The following STK26 variants were observed in gnomAD, a reference collection of about 807,000 sequenced individuals.
STK26 encodes serine/threonine kinase 26, also known as serine/threonine-protein kinase 26.
Under a neutral mutation model 34.7 loss-of-function variants are expected in STK26, and 14 were observed. That is an observed-to-expected ratio of 0.40 (90% CI 0.27 to 0.63). The LOEUF (loss-of-function observed/expected upper bound fraction) is 0.63, where lower values mean the gene tolerates loss of function less well. Among genes scored for constraint, STK26 ranks in the 30% least tolerant of loss-of-function variants. STK26 has a pLI of 0.38. For synonymous variants in STK26, 100 were observed against 109.8 expected (o/e 0.91, Z 0.56); for missense variants, 226 against 309.1 (o/e 0.73, Z 2.02).
At chrX:132,054,188 T>C (rs763129797) in intron 2 of STK26, among the ~76,000 whole-genome samples, 8 of 112,385 alleles carry the variant, frequency 7.1e-5, no homozygotes, top group African/African-American at 2.6e-4. Flanking sequence ...CTAAGATGAT[T>C]GGGATATCCG....
In STK26 at chrX:132,072,301, T is replaced by C; in HGVS notation, c.966T>C (p.Pro322=). Residue 322 remains proline (P), a synonymous_variant, in exon 9 of 12, where the codon CCT becomes CCC. Transcript: ENST00000394334. The part of the protein sequence containing the change: ...ESTSRENNTH[P]EWSFTTVRKK... ...CCAGCAGGGAAAACAATACTCATCCTGAATGGAGCTTTACCACCGTACGAA... is the reference window on the plus strand; with the variant it reads ...CCAGCAGGGAAAACAATACTCATCCCGAATGGAGCTTTACCACCGTACGAA... The C allele has an allele frequency of 8.3e-7, 1 of 1,209,676 alleles. No individual in the cohort carries two copies. The highest frequency in any genetic ancestry group is 1.1e-6 in the Non-Finnish European group (1 of 893,842).
chrX:132,068,187 T>A (rs757708329), intron 4 of STK26, 28 bp from the exon 5 acceptor site: 2 of 1,108,263 alleles, frequency 1.8e-6, no homozygotes, highest in African/African-American at 1.8e-5. Context: ...CACATATGTG[T>A]ATGTGTGTGT....
At chrX:132,040,425 A>T (rs1926221471) in intron 2 of STK26, among the ~76,000 whole-genome samples, 1 of 112,453 alleles carries the variant, frequency 8.9e-6, no homozygotes, top group African/African-American at 3.2e-5. Context: ...AAATAGGCAG[A>T]TATGTTTCTG....
intron 3 of STK26, among the ~76,000 whole-genome samples, chrX:132,063,174 A>G (rs917051438): frequency 1.8e-5 from 2 of 110,821 alleles, no homozygotes; most frequent in African/African-American, 3.3e-5. Context: ...CAAATACTAG[A>G]TCTTACTCAT....
At chrX:132,055,319 C>T (rs1926818761) in intron 3 of STK26, 4 of 565,110 alleles carry the variant, frequency 7.1e-6, no homozygotes, top group Non-Finnish European at 1.1e-5. Flanking sequence ...TTTAGCTTAA[C>T]CAGTCCTGGT....
At chrX:132,050,914 A>G (rs940664053) in intron 2 of STK26, among the ~76,000 whole-genome samples, 5 of 111,759 alleles carry the variant, frequency 4.5e-5, no homozygotes, top group Non-Finnish European at 9.4e-5. Context: ...AAATGACTAC[A>G]CAGGAATCAT....
chrX:132,025,914 A>G (rs776488811), intron 2 of STK26, among the ~76,000 whole-genome samples: 19 of 111,416 alleles, frequency 1.7e-4, no homozygotes, highest in African/African-American at 6.2e-4. Flanking sequence ...AAATTCTCCT[A>G]GAGTTTTATG....
In STK26 at chrX:132,063,505, T is replaced by A. The variant is rs1282571992; in HGVS notation, c.330+16T>A. 1 of 1,196,581 alleles carries A rather than the reference T, an allele frequency of 8.4e-7. No individual in the cohort carries two copies. The highest frequency in any genetic ancestry group is 3.0e-5 in the East Asian group (1 of 33,746). ...ACTGGATCTTGTAAGTATTTTAAAA[T>A]AGTTACACACAGATGCAAATGTGTG... On this transcript the variant is annotated intron_variant, in intron 4 of 11. Transcript: ENST00000394334.
chrX:132,049,557 C>T (rs1056298971), intron 2 of STK26, among the ~76,000 whole-genome samples: 11 of 111,943 alleles, frequency 9.8e-5, no homozygotes, highest in African/African-American at 3.3e-4. Flanking sequence ...TCAATTTAAA[C>T]AGGTAGCTAA....
chrX:132,063,367 A>G, intron 3 of STK26, 66 bp from the exon 4 acceptor site: 1 of 969,464 alleles, frequency 1.0e-6, no homozygotes. Flanking sequence ...GTGAGATTTA[A>G]CATTTTTGCT....
chrX:132,037,276 G>A (rs1443495836), intron 2 of STK26, among the ~76,000 whole-genome samples: 1 of 111,683 alleles, frequency 9.0e-6, no homozygotes, highest in Non-Finnish European at 1.9e-5. Flanking sequence ...CATGTTGCAC[G>A]TTTATTGTGG....
chrX:132,054,322 G>A (rs762448349), intron 2 of STK26, among the ~76,000 whole-genome samples: 132 of 112,331 alleles, frequency 1.2e-3, no homozygotes, highest in Middle Eastern at 9.2e-3. Flanking sequence ...TGTAAACTGT[G>A]TATAATCAGC....
chrX:132,036,706 A>G (rs1926064893), intron 2 of STK26, among the ~76,000 whole-genome samples: 2 of 112,149 alleles, frequency 1.8e-5, no homozygotes, highest in East Asian at 2.8e-4. Context: ...TGATATGTTT[A>G]CCTTATACCT....
intron 11 of STK26, 24 bp from the exon 12 acceptor site, chrX:132,074,111 T>C: frequency 1.7e-6 from 2 of 1,188,736 alleles, no homozygotes; most frequent in Non-Finnish European, 2.3e-6. Context: ...GTACATTGGT[T>C]TAAATTTTTT....
rs141326987 is a variant in STK26, at chrX:132,058,373, C to G, written c.273+3512C>G. Among the ~76,000 whole-genome samples, 848 of 110,967 alleles carry G rather than the reference C, an allele frequency of 7.6e-3. 4 individuals carry two copies. The highest frequency in any genetic ancestry group is 0.032 in the South Asian group (85 of 2,646). On this transcript the variant is annotated intron_variant, in intron 3 of 11. Coordinates refer to ENST00000394334, the MANE Select transcript of STK26 (RefSeq NM_016542.4). ...CTAGGGCAAAACTGAATCCTTGCTA[C>G]TTTTAGGCACCTGTGACAAAAACAC...
chrX:132,052,074 G>C (rs1206918875), intron 2 of STK26, among the ~76,000 whole-genome samples: 2 of 110,332 alleles, frequency 1.8e-5, no homozygotes, highest in East Asian at 5.7e-4. Flanking sequence ...ACTTTTCTTA[G>C]AGGTTCCAAA....
intron 2 of STK26, among the ~76,000 whole-genome samples, chrX:132,042,193 T>G (rs1044472696): frequency 2.1e-4 from 23 of 111,085 alleles, no homozygotes; most frequent in African/African-American, 7.5e-4. Context: ...AAATCTTAGT[T>G]CAAGAATATT....
At position 132,074,462 on chromosome X, in the gene STK26, T is replaced by A. The variant is rs1243256034; in HGVS notation, c.*303T>A. The A allele has an allele frequency of 9.6e-6, 2 of 208,708 alleles. No individual in the cohort carries two copies. Among genetic ancestry groups the A allele is most frequent in the Non-Finnish European group, 1.7e-5 (2 of 115,828 alleles). The allele number at this position is 208,708 out of a possible 1,213,427, so 17.2% of individuals were successfully genotyped here. ...GTTACGAGGATGAATACCTTTCACA[T>A]TTTGATCTTTAGTTGACTCTACAGT... On this transcript the variant is annotated 3_prime_UTR_variant, in exon 12 of 12. Transcript: ENST00000394334.
intron 2 of STK26, among the ~76,000 whole-genome samples, chrX:132,051,002 T>A (rs1202269395): frequency 9.0e-6 from 1 of 111,707 alleles, no homozygotes; most frequent in Admixed American, 9.5e-5. Flanking sequence ...GGGTAAAGCC[T>A]AGGTATCCAC....
Sources: allele counts gnomAD v4.1 joint callset (sites outside exome capture counted in the v4.1 genomes callset), GRCh38; gene constraint gnomAD v4.1.1; transcripts MANE v1.5; gene names NCBI Gene and HGNC (gene_info 2026-07-23, HGNC 2026-07-21).